The following SLC5A11 variants were observed in gnomAD, a reference collection of about 807,000 sequenced individuals.
The protein encoded by SLC5A11 is solute carrier family 5 member 11.
A neutral mutation model predicts 69.8 loss-of-function variants in SLC5A11; 48 were observed. The observed-to-expected ratio is 0.69, with a 90% CI of 0.55 to 0.87. SLC5A11 has a LOEUF of 0.87. SLC5A11 is among the 40% of genes least tolerant of loss of function. The pLI, the probability that SLC5A11 is intolerant of heterozygous loss-of-function variation, is 0.00. For missense variants in SLC5A11, 784 were observed against 866.1 expected (o/e 0.91, Z 1.19); for synonymous variants, 319 against 342.4 (o/e 0.93, Z 0.75).
rs978050551 is a variant in SLC5A11 at position 24,890,809 on chromosome 16, C to T, written c.665-60C>T. On this transcript the variant is annotated intron_variant, in intron 8 of 15. Coordinates refer to ENST00000347898, the Ensembl canonical transcript of SLC5A11. ...AATTTCACCAGTCTCCAGCCATCTC[C>T]TCATCACTTGCCATGGACCAATCTG... 4.6e-6 allele frequency: 7 copies of T among 1,529,078 alleles called. No homozygotes were observed. The Admixed American group carries it at 6.7e-5, about 15-fold the overall frequency. The allele number at this position is 1,529,078 out of a possible 1,614,324, so 94.7% of individuals were successfully genotyped here. A position where few individuals can be genotyped will look rare whatever the true frequency, so the allele number is the denominator to read the frequency against.
chr16:24,901,956 A>ACACACACACGCG (rs1393594765), intron 10 of SLC5A11, among the ~76,000 whole-genome samples: 1 of 95,886 alleles, frequency 1.0e-5, no homozygotes, highest in Admixed American at 1.1e-4. Context: ...ACACACACAC[A>ACACACACACGCG]CGCACACACA....
chr16:24,847,062 A>G (rs764642649), intron 1 of SLC5A11, among the ~76,000 whole-genome samples: 4 of 152,020 alleles, frequency 2.6e-5, no homozygotes, highest in African/African-American at 9.7e-5. Flanking sequence ...CCAAGCCAAG[A>G]CTCAATTCCT....
exon 16 of SLC5A11, chr16:24,911,392 G>A: frequency 6.2e-7 from 1 of 1,614,112 alleles, no homozygotes; most frequent in Non-Finnish European, 8.5e-7. Flanking sequence ...GAATACAGGA[G>A]AAGGGCAAGG....
At chr16:24,883,664 C>G (rs967690574) in intron 7 of SLC5A11, among the ~76,000 whole-genome samples, 1 of 152,180 alleles carries the variant, frequency 6.6e-6, no homozygotes, top group Non-Finnish European at 1.5e-5. Context: ...ACTGGGCTTC[C>G]CCTCCGTGGG....
exon 13 of SLC5A11, chr16:24,908,083 G>A (rs1276837460): frequency 6.2e-7 from 1 of 1,608,670 alleles, no homozygotes; most frequent in East Asian, 2.2e-5. Context: ...AGCCGCCTGT[G>A]GCGGTGGTCT....
intron 10 of SLC5A11, among the ~76,000 whole-genome samples, chr16:24,900,947 A>C (rs1381519881): frequency 6.6e-6 from 1 of 151,586 alleles, no homozygotes; most frequent in East Asian, 1.9e-4. Flanking sequence ...AAAGGAAAGA[A>C]TATGGCTTCA....
intron 10 of SLC5A11, among the ~76,000 whole-genome samples, chr16:24,900,482 C>G (rs2049499921): frequency 1.3e-5 from 2 of 152,266 alleles, no homozygotes; most frequent in South Asian, 2.1e-4. Flanking sequence ...GAGGAACCCA[C>G]AAATAGTCCC....
intron 7 of SLC5A11, among the ~76,000 whole-genome samples, chr16:24,880,749 A>T (rs1487415007): frequency 6.6e-6 from 1 of 151,660 alleles, no homozygotes; most frequent in East Asian, 1.9e-4. Context: ...TCCCACCAGG[A>T]CCCTCCCCCA....
chr16:24,861,799 A>G (rs2046579042), intron 2 of SLC5A11, among the ~76,000 whole-genome samples: 1 of 129,850 alleles, frequency 7.7e-6, no homozygotes. Context: ...GGAAGGAAAG[A>G]AAGAAAAGAA....
chr16:24,910,575 G>A (rs1258737691), intron 15 of SLC5A11, 98 bp downstream of exon 16: 3 of 1,352,684 alleles, frequency 2.2e-6, no homozygotes, highest in South Asian at 1.5e-5. Context: ...AGGAAAGTGG[G>A]CAGACTTGGA....
At chr16:24,892,370 T>C (rs112258050) in intron 9 of SLC5A11, among the ~76,000 whole-genome samples, 1,752 of 148,932 alleles carry the variant, frequency 0.012, 41 homozygotes, top group African/African-American at 0.041. Flanking sequence ...GCGAGGCAGA[T>C]ACATAACTGG....
chr16:24,879,917 A>G (rs1259169353), intron 7 of SLC5A11, among the ~76,000 whole-genome samples: 7 of 151,884 alleles, frequency 4.6e-5, no homozygotes, highest in Non-Finnish European at 8.8e-5. Flanking sequence ...TATCCAATCC[A>G]CTGTTGATGG....
Position 24,861,555 on chromosome 16 carries a change from AAAAG to A in SLC5A11, c.136-1036_136-1033del, listed in dbSNP as rs1489676392. 3.1e-4 allele frequency among the ~76,000 whole-genome samples: 47 copies of A among 150,840 alleles called. 1 individual carries two copies. Among genetic ancestry groups the A allele is most frequent in the Admixed American group, 1.9e-3 (29 of 15,076 alleles). On this transcript the variant is annotated intron_variant, in intron 2 of 15. Coordinates refer to ENST00000347898, the Ensembl canonical transcript of SLC5A11. ...AGGGAAAAAGAAAGAAAAATAAAAGAAAAGAAAGAAAGAGAGAGAAAGAAAGAGA... is the reference window on the plus strand; with the variant it reads ...AGGGAAAAAGAAAGAAAAATAAAAGAAAAGAAAGAGAGAGAAAGAAAGAGA...
At chr16:24,855,418 A>G (rs1225609564) in intron 1 of SLC5A11, among the ~76,000 whole-genome samples, 1 of 144,212 alleles carries the variant, frequency 6.9e-6, no homozygotes, top group East Asian at 2.1e-4. Flanking sequence ...CCTGAGCAAC[A>G]TAGACTTCAT....
intron 8 of SLC5A11, among the ~76,000 whole-genome samples, chr16:24,886,494 ATTC>A (rs1343989011): frequency 1.3e-5 from 2 of 151,986 alleles, no homozygotes; most frequent in Admixed American, 6.6e-5. Flanking sequence ...AGAAATGTTT[ATTC>A]TTAGAAAAAA....
chr16:24,872,017 C>A, intron 4 of SLC5A11, 143 bp from the exon 6 acceptor site: 1 of 901,692 alleles, frequency 1.1e-6, no homozygotes, highest in Non-Finnish European at 1.8e-6. Flanking sequence ...ATTTGAAGGC[C>A]AGCACAGGTG....
chr16:24,910,329 T>C, exon 15 of SLC5A11: 1 of 1,614,076 alleles, frequency 6.2e-7, no homozygotes, highest in Non-Finnish European at 8.5e-7. Flanking sequence ...CCTGGTTTAC[T>C]CGTCACGACC....
intron 12 of SLC5A11, among the ~76,000 whole-genome samples, chr16:24,907,438 C>T (rs1430098138): frequency 6.6e-6 from 1 of 152,120 alleles, no homozygotes; most frequent in African/African-American, 2.4e-5. Flanking sequence ...CCCAGCTGGG[C>T]GAGGTGGCTC....
intron 1 of SLC5A11, among the ~76,000 whole-genome samples, chr16:24,850,427 A>T (rs978567518): frequency 6.6e-6 from 1 of 152,152 alleles, no homozygotes; most frequent in Non-Finnish European, 1.5e-5. Context: ...GGCTGCCTCC[A>T]CTAGGCTCCC....
Sources: allele counts gnomAD v4.1 joint callset (sites outside exome capture counted in the v4.1 genomes callset), GRCh38; gene constraint gnomAD v4.1.1; transcripts MANE v1.5; gene names NCBI Gene and HGNC (gene_info 2026-07-23, HGNC 2026-07-21).